Variants in BEAN1 observed in about 807,000 individuals in gnomAD.
BEAN1 encodes brain expressed associated with NEDD4 1.
BEAN1 carries 17 observed loss-of-function variants against 17.7 expected under a neutral mutation model. The observed-to-expected ratio is 0.96, with a 90% CI of 0.66 to 1.44. BEAN1 has a LOEUF of 1.44. BEAN1 is among the 40% of genes most tolerant of loss of function. The pLI, the probability that BEAN1 is intolerant of heterozygous loss-of-function variation, is 0.00. For synonymous variants in BEAN1, 142 were observed against 151.8 expected (o/e 0.94, Z 0.47); for missense variants, 359 against 374.1 (o/e 0.96, Z 0.33).
intron 2 of BEAN1, among the ~76,000 whole-genome samples, chr16:66,464,821 T>C (rs532282000): frequency 1.5e-3 from 226 of 152,362 alleles, no homozygotes; most frequent in African/African-American, 5.2e-3. Flanking sequence ...GGATTTTTTA[T>C]ATACAAGATT....
chr16:66,469,898 C>T, intron 3 of BEAN1, 33 bp downstream of exon 3: 1 of 1,525,392 alleles, frequency 6.6e-7, no homozygotes, highest in Non-Finnish European at 8.8e-7. Flanking sequence ...GCCCTGGGAC[C>T]TCATCTGACT....
chr16:66,437,665 T>C lies in BEAN1; in HGVS notation c.-12T>C. The C allele has an allele frequency of 6.5e-7, 1 of 1,535,938 alleles. No individual in the cohort carries two copies. The highest frequency in any genetic ancestry group is 8.7e-7 in the Non-Finnish European group (1 of 1,146,788). ...GGGCAGGCTGGCTCCGCTGTTCTGC[T>C]CCAAGGATTACATGTCCTTCAAACG... is the stretch of plus-strand genomic sequence containing the variant. On this transcript the variant is annotated 5_prime_UTR_variant, in exon 2 of 5. Transcript: ENST00000536005.
chr16:66,480,985 A>C lies in BEAN1; in HGVS notation c.*60A>C, dbSNP rs758963736. 7.5e-5 allele frequency: 99 copies of C among 1,317,442 alleles called. No homozygotes were observed. Among genetic ancestry groups the C allele is most frequent in the Non-Finnish European group, 9.3e-5 (92 of 990,004 alleles). 81.6% of individuals were successfully genotyped at this position (1,317,442 alleles called of 1,614,324 possible). A position where few individuals can be genotyped will look rare whatever the true frequency, so the allele number is the denominator to read the frequency against. Reference sequence around the variant, plus strand: ...AGGCTGAACCACATTCTTTAGGCACACAAAGGCGTGCACACACACACAGAG... The same window carrying C: ...AGGCTGAACCACATTCTTTAGGCACCCAAAGGCGTGCACACACACACAGAG... On this transcript the variant is annotated 3_prime_UTR_variant, in exon 5 of 5. Transcript: ENST00000536005.
intron 4 of BEAN1, among the ~76,000 whole-genome samples, chr16:66,490,218 TAAAAAAAAAAAAAAAA>T (rs774079713): frequency 4.6e-5 from 2 of 43,638 alleles, no homozygotes. Context: ...CCATCTCTAC[TAAAAAAAAAAAAAAAA>T]AAAAAAAAAA....
In BEAN1 at chr16:66,432,685, C is replaced by A. The variant is rs138557927; in HGVS notation, c.-82-4910C>A. Among the ~76,000 whole-genome samples, 517 of 152,308 alleles carry A rather than the reference C, an allele frequency of 3.4e-3. 9 individuals are homozygous for A. The highest frequency in any genetic ancestry group is 0.028 in the Admixed American group (434 of 15,306). ...CCCATCTCCACCATCTGCCGGTCAC[C>A]CAGGCAGACAGGGAATCACCTTACA... On this transcript the variant is annotated intron_variant, in intron 1 of 4. Coordinates refer to ENST00000536005, the MANE Select transcript of BEAN1 (RefSeq NM_001178020.3).
chr16:66,434,500 G>A lies in BEAN1; in HGVS notation c.-82-3095G>A, dbSNP rs1440532579. Among the ~76,000 whole-genome samples, 1 of 152,168 alleles carries A rather than the reference G, an allele frequency of 6.6e-6. No individual in the cohort carries two copies. Among genetic ancestry groups the A allele is most frequent in the Admixed American group, 6.5e-5 (1 of 15,280 alleles). On this transcript the variant is annotated intron_variant, in intron 1 of 4. Coordinates refer to ENST00000536005, the MANE Select transcript of BEAN1 (RefSeq NM_001178020.3). The surrounding 1 kb of genome is among the most constrained non-coding windows in gnomAD (Gnocchi z 4.3). ...GGAGAAGGAAACAGGCAGCCAGGCT[G>A]AAAGTCCAGCTCCTATTTTAGGACC...
At chr16:66,491,090 C>A (rs1199151086) in intron 4 of BEAN1, among the ~76,000 whole-genome samples, 1 of 152,176 alleles carries the variant, frequency 6.6e-6, no homozygotes, top group Non-Finnish European at 1.5e-5. Flanking sequence ...CTGGGTGAGA[C>A]CCTCCTGGGC....
At chr16:66,445,873 G>A (rs1040646656) in intron 2 of BEAN1, among the ~76,000 whole-genome samples, 1 of 152,108 alleles carries the variant, frequency 6.6e-6, no homozygotes, top group Non-Finnish European at 1.5e-5. Flanking sequence ...TTGGAAGCAA[G>A]TAGACCAATT....
At chr16:66,435,891 TG>T (rs1416798358) in intron 1 of BEAN1, among the ~76,000 whole-genome samples, 1 of 152,204 alleles carries the variant, frequency 6.6e-6, no homozygotes, top group Non-Finnish European at 1.5e-5. Context: ...TGCCAATTCT[TG>T]GCAGTGTTTT....
chr16:66,492,951 G>A, intron 4 of BEAN1: 2 of 701,168 alleles, frequency 2.9e-6, no homozygotes, highest in Non-Finnish European at 5.2e-6. Flanking sequence ...AAGCTCCCTT[G>A]TCTGTTCTAG....
rs1223166426 is a variant in BEAN1, at chr16:66,469,614, A to G, written c.38A>G (p.Asn13Ser). The change falls in exon 3 of 5, where the codon AAC becomes AGC. Residue 13 changes from asparagine to serine, a missense_variant. Asn to Ser is a conservative substitution (Grantham distance 46). Transcript: ENST00000536005. ...FKRPCPLARYNRTSYFYPTFS... is the reference protein window; with the variant it reads ...FKRPCPLARYSRTSYFYPTFS... The stretch of plus-strand genomic sequence containing the variant: ...TCTCTGTCCACAGTAGCACGATACA[A>G]CCGCACCAGCTACTTCTACCCCACA... The G allele has an allele frequency of 5.2e-6, 8 of 1,535,930 alleles. No homozygotes were observed. The highest frequency in any genetic ancestry group is 7.0e-6 in the Non-Finnish European group (8 of 1,146,748).
At chr16:66,430,210 C>G (rs75862584) in intron 1 of BEAN1, among the ~76,000 whole-genome samples, 2,928 of 152,360 alleles carry the variant, frequency 0.019, 90 homozygotes, top group African/African-American at 0.066. Flanking sequence ...AAATCATATA[C>G]AGATAGCACA....
At chr16:66,449,606 CAA>C (rs35721774) in intron 2 of BEAN1, among the ~76,000 whole-genome samples, 6 of 83,336 alleles carry the variant, frequency 7.2e-5, no homozygotes, top group Admixed American at 3.0e-4. Context: ...GACTCCATCT[CAA>C]AAAAAAAAAA....
At chr16:66,479,342 A>G (rs1235656144) in intron 4 of BEAN1, among the ~76,000 whole-genome samples, 6 of 151,970 alleles carry the variant, frequency 3.9e-5, no homozygotes, top group Non-Finnish European at 1.5e-5. Flanking sequence ...CTGGGAGCCA[A>G]CTTCTCCCTG....
At chr16:66,454,230 A>C (rs1284627802) in intron 2 of BEAN1, among the ~76,000 whole-genome samples, 1 of 152,190 alleles carries the variant, frequency 6.6e-6, no homozygotes, top group Non-Finnish European at 1.5e-5. Context: ...CAGTTGGTGA[A>C]GGCTTCTATG....
chr16:66,432,679 G>A (rs369548018), intron 1 of BEAN1, among the ~76,000 whole-genome samples: 5 of 152,250 alleles, frequency 3.3e-5, no homozygotes, highest in East Asian at 1.9e-4. Flanking sequence ...ACCATCTGCC[G>A]GTCACCCAGG....
intron 4 of BEAN1, 189 bp downstream of exon 4, chr16:66,477,899 G>C: frequency 1.8e-6 from 1 of 551,252 alleles, no homozygotes; most frequent in Non-Finnish European, 3.0e-6. Context: ...GTGTGACTTA[G>C]CAGATATCAC....
At chr16:66,457,566 C>T (rs961406769) in intron 2 of BEAN1, among the ~76,000 whole-genome samples, 1 of 152,170 alleles carries the variant, frequency 6.6e-6, no homozygotes, top group East Asian at 1.9e-4. Context: ...GTTCAGCTGC[C>T]ATCAAGGTGA....
chr16:66,453,681 T>C (rs1962761216), intron 2 of BEAN1, among the ~76,000 whole-genome samples: 1 of 152,102 alleles, frequency 6.6e-6, no homozygotes, highest in Admixed American at 6.6e-5. Context: ...TTTTTATTTT[T>C]ATTGTGATTT....
Sources: gnomAD v4.1 joint callset for allele counts (sites outside exome capture counted in the v4.1 genomes callset) on GRCh38, gnomAD v4.1.1 for gene constraint, Gnocchi (gnomAD v3.1) non-coding constraint, MANE v1.5 for transcripts, NCBI Gene and HGNC (gene_info 2026-07-23, HGNC 2026-07-21) for gene names.